CFH: variants seen among roughly 807,000 people sequenced by gnomAD.
CFH encodes the protein complement factor H.
Under a neutral mutation model 147.3 loss-of-function variants are expected in CFH, and 53 were observed. That is an observed-to-expected ratio of 0.36 (90% CI 0.29 to 0.45). The LOEUF is 0.45. Among genes scored for constraint, CFH ranks in the 20% least tolerant of loss-of-function variants. The probability of loss-of-function intolerance (pLI) is 1.00; values close to 1 mark genes in which losing one functional copy is unlikely to be tolerated. For missense variants in CFH, 1,380 were observed against 1,498.0 expected (o/e 0.92, Z 1.30); for synonymous variants, 536 against 489.4 (o/e 1.10, Z -1.26).
intron 17 of CFH, among the ~76,000 whole-genome samples, chr1:196,738,663 G>A (rs1471331345): frequency 1.3e-5 from 2 of 152,112 alleles, no homozygotes; most frequent in African/African-American, 4.8e-5. Flanking sequence ...TTGTGCAGAT[G>A]TGGCTTTGTC....
At chr1:196,677,348 A>C in intron 4 of CFH, 128 bp from the exon 5 acceptor site, 1 of 836,508 alleles carries the variant, frequency 1.2e-6, no homozygotes, top group East Asian at 2.7e-5. Context: ...CAGGTATATC[A>C]AATGCTTCTA....
intron 9 of CFH, among the ~76,000 whole-genome samples, chr1:196,700,609 G>T (rs148169147): frequency 6.7e-5 from 10 of 148,316 alleles, no homozygotes; most frequent in Non-Finnish European, 1.3e-4. Context: ...AGCCAAGATC[G>T]TGCCACTGCA....
chr1:196,719,181 T>A (rs1668940847), intron 11 of CFH, among the ~76,000 whole-genome samples: 1 of 152,014 alleles, frequency 6.6e-6, no homozygotes, highest in Non-Finnish European at 1.5e-5. Flanking sequence ...GAGTGTCCAT[T>A]CACATTCTTC....
Position 196,677,573 on chromosome 1 carries a change from GT to G in CFH, c.528del (p.Phe176LeufsTer41), listed in dbSNP as rs1400231453. 6.2e-7 allele frequency: 1 copy of G among 1,613,340 alleles called. No individual in the cohort carries two copies. Among genetic ancestry groups the G allele is most frequent in the South Asian group, 1.1e-5 (1 of 91,070 alleles). ...AATACCATTTTGGACAAGCAGTACGGTTTGTATGTAACTCAGGCTACAAGAT... is the reference window on the plus strand; with the variant it reads ...AATACCATTTTGGACAAGCAGTACGGTTGTATGTAACTCAGGCTACAAGAT... ...REYHFGQAVR[F>X]VCNSGYKIEG... On this transcript the variant is annotated frameshift_variant, in exon 5 of 22. Transcript: ENST00000367429. LOFTEE classifies it high-confidence loss of function.
chr1:196,655,108 A>T (rs919261055), intron 1 of CFH, among the ~76,000 whole-genome samples: 1 of 151,178 alleles, frequency 6.6e-6, no homozygotes, highest in Admixed American at 6.6e-5. Flanking sequence ...TACATATTTT[A>T]GGATAGTTAA....
At chr1:196,737,433 T>C (rs1178110599) in intron 16 of CFH, 42 bp from the exon 17 acceptor site, 1 of 1,338,224 alleles carries the variant, frequency 7.5e-7, no homozygotes, top group Non-Finnish European at 1.1e-6. Flanking sequence ...AATTTAAGTA[T>C]TTTATTTGTT....
intron 1 of CFH, 33 bp from the exon 2 acceptor site, chr1:196,672,945 T>A: frequency 6.4e-7 from 1 of 1,571,664 alleles, no homozygotes; most frequent in Non-Finnish European, 8.7e-7. Flanking sequence ...AAATAGACAC[T>A]TTATGCACTT....
At chr1:196,704,398 G>A (rs1018524325) in intron 9 of CFH, among the ~76,000 whole-genome samples, 57 of 152,118 alleles carry the variant, frequency 3.7e-4, no homozygotes, top group African/African-American at 1.1e-3. Flanking sequence ...CACTGCTCCC[G>A]TCCTGTTAGG....
At chr1:196,742,097 C>T (rs1232049255) in intron 19 of CFH, 46 bp downstream of exon 19, 1 of 1,576,952 alleles carries the variant, frequency 6.3e-7, no homozygotes, top group African/African-American at 1.4e-5. Flanking sequence ...TGTGTGGGCC[C>T]AGCCCAGTGG....
chr1:196,676,096 G>A, intron 4 of CFH, 31 bp downstream of exon 4: 1 of 1,294,082 alleles, frequency 7.7e-7, no homozygotes, highest in Non-Finnish European at 1.1e-6. Flanking sequence ...CAAGTATATT[G>A]AAATAAATAT....
chr1:196,665,241 A>AT (rs890410670), intron 1 of CFH, among the ~76,000 whole-genome samples: 1 of 151,248 alleles, frequency 6.6e-6, no homozygotes. Context: ...TGTATATATG[A>AT]TTTTTTCACA....
chr1:196,705,344 GGCCAGAC>G (rs1668562064), intron 9 of CFH, among the ~76,000 whole-genome samples: 1 of 152,140 alleles, frequency 6.6e-6, no homozygotes, highest in African/African-American at 2.4e-5. Context: ...TTGTCAGGGT[GGCCAGAC>G]TCAGGACATG....
chr1:196,740,558 AC>A, intron 17 of CFH, 60 bp from the exon 18 acceptor site: 1 of 1,485,712 alleles, frequency 6.7e-7, no homozygotes, highest in Non-Finnish European at 9.3e-7. Context: ...TAATATTAAA[AC>A]AGGCATATAA....
chr1:196,684,608 C>T (rs1042466864), intron 6 of CFH, among the ~76,000 whole-genome samples: 2 of 151,942 alleles, frequency 1.3e-5, no homozygotes, highest in Non-Finnish European at 2.9e-5. Context: ...ATTACTTCCA[C>T]TTTTATTATA....
chr1:196,652,223 T>G, intron 1 of CFH, 48 bp downstream of exon 1: 1 of 1,376,482 alleles, frequency 7.3e-7, no homozygotes, highest in Non-Finnish European at 1.0e-6. Flanking sequence ...ATGAAACATT[T>G]GCTAATGATG....
rs757045842 is a variant in CFH at position 196,743,640 on chromosome 1, T to C, written c.3310+12T>C. The C allele has an allele frequency of 1.5e-4, 240 of 1,613,748 alleles. No homozygotes were observed. The highest frequency in any genetic ancestry group is 1.8e-4 in the Non-Finnish European group (211 of 1,179,774). On this transcript the variant is annotated intron_variant, in intron 20 of 21. Transcript: ENST00000367429. ...ACCTCAATGCAAAGGTAGAGTATTA[T>C]ATTTCTTTTAACATTTTGGGGGAGT...
At position 196,702,152 on chromosome 1, in the gene CFH, C is replaced by T. The variant is rs562953041; in HGVS notation, c.1337-11583C>T. Reference sequence around the variant, plus strand: ...ATGGTTCAGTTAAAGGAACCTATGACTCACCCCCCTCCACTTTATGGGGGA... The same window carrying T: ...ATGGTTCAGTTAAAGGAACCTATGATTCACCCCCCTCCACTTTATGGGGGA... On this transcript the variant is annotated intron_variant, in intron 9 of 21. Transcript: ENST00000367429. Among the ~76,000 whole-genome samples the T allele has an allele frequency of 1.2e-4, 19 of 152,296 alleles. No individual in the cohort carries two copies. In the South Asian group the frequency reaches 3.9e-3, roughly 32 times the overall value.
intron 11 of CFH, among the ~76,000 whole-genome samples, chr1:196,723,341 T>C (rs943493989): frequency 6.6e-6 from 1 of 152,168 alleles, no homozygotes; most frequent in Non-Finnish European, 1.5e-5. Flanking sequence ...TTTGAGTACC[T>C]TGGTTAGAGA....
intron 9 of CFH, among the ~76,000 whole-genome samples, chr1:196,695,218 T>G (rs564152869): frequency 6.6e-6 from 1 of 152,338 alleles, no homozygotes; most frequent in East Asian, 1.9e-4. Context: ...TTCAGTTTTC[T>G]GCATATGGCT....
Sources: allele counts gnomAD v4.1 joint callset (sites outside exome capture counted in the v4.1 genomes callset), GRCh38; gene constraint gnomAD v4.1.1; transcripts MANE v1.5; gene names NCBI Gene and HGNC (gene_info 2026-07-23, HGNC 2026-07-21).